The following MYBPC3 variants were observed in gnomAD, a reference collection of about 807,000 sequenced individuals.
The protein encoded by MYBPC3 is myosin-binding protein C, cardiac-type.
In MYBPC3, 108 loss-of-function variants were observed where a neutral mutation model predicts 159.3. The ratio of observed to expected loss-of-function variants is 0.68; its 90% CI spans 0.58 to 0.80. MYBPC3 has a LOEUF of 0.80. Among genes scored for constraint, MYBPC3 ranks in the 30% least tolerant of loss-of-function variants. MYBPC3 has a pLI of 0.00. For synonymous variants in MYBPC3, 730 were observed against 702.0 expected, an observed-to-expected ratio of 1.04 and a Z score of -0.63; for missense variants, 1,631 against 1,762.1, an observed-to-expected ratio of 0.93 and a Z score of 1.33.
intron 4 of MYBPC3, 40 bp downstream of exon 4, chr11:47,349,974 C>T (rs777895104): frequency 1.9e-6 from 3 of 1,562,676 alleles, no homozygotes; most frequent in Admixed American, 3.8e-5. Flanking sequence ...TGCTGCCCCC[C>T]CTTCCCACCC....
intron 13 of MYBPC3, 36 bp downstream of exon 13, chr11:47,343,456 C>A: frequency 6.4e-7 from 1 of 1,551,242 alleles, no homozygotes; most frequent in Non-Finnish European, 8.7e-7. Flanking sequence ...GGGTCCCCAC[C>A]TCCACCCGAG....
chr11:47,346,730 T>G lies in MYBPC3; in HGVS notation c.909-86A>C. On this transcript the variant is annotated intron_variant, in intron 10 of 34. Coordinates refer to ENST00000545968, the MANE Select transcript of MYBPC3 (RefSeq NM_000256.3). The surrounding 1 kb of genome is among the most constrained non-coding windows in gnomAD (Gnocchi z 5.3). ...CCCTCAAAGACCTGGACCCCACCCATGGGCCTTTACTTCCTCCCTATTTTC... is the reference window on the plus strand; with the variant it reads ...CCCTCAAAGACCTGGACCCCACCCAGGGGCCTTTACTTCCTCCCTATTTTC... 1.4e-6 allele frequency: 2 copies of G among 1,391,068 alleles called. No individual in the cohort carries two copies. Among genetic ancestry groups the G allele is most frequent in the Non-Finnish European group, 1.9e-6 (2 of 1,029,052 alleles). 86.2% of individuals were successfully genotyped at this position (1,391,068 alleles called of 1,614,324 possible). A position where few individuals can be genotyped will look rare whatever the true frequency, so the allele number is the denominator to read the frequency against.
chr11:47,337,305 C>A, intron 25 of MYBPC3, 86 bp downstream of exon 25: 1 of 1,402,482 alleles, frequency 7.1e-7, no homozygotes, highest in Non-Finnish European at 9.6e-7. Context: ...GAGTGTCTAG[C>A]ATGGCTGCCT....
chr11:47,334,348 C>G (rs2095880262), intron 27 of MYBPC3, among the ~76,000 whole-genome samples: 1 of 152,244 alleles, frequency 6.6e-6, no homozygotes, highest in African/African-American at 2.4e-5. Context: ...TGCCTCGTTC[C>G]AGCTTTGAGA....
chr11:47,348,344 C>T (rs1349005516), intron 6 of MYBPC3, 80 bp downstream of exon 6: 6 of 1,067,996 alleles, frequency 5.6e-6, no homozygotes, highest in Non-Finnish European at 8.4e-6. Context: ...GAGGCATCCT[C>T]CTTAGTGTTG....
Position 47,333,103 on chromosome 11 carries a change from G to A in MYBPC3, c.3330+91C>T. 4 of 1,522,730 alleles carry A rather than the reference G, an allele frequency of 2.6e-6. No homozygotes were observed. The South Asian group carries it at 5.0e-5, about 19-fold the overall frequency. 94.3% of individuals were successfully genotyped at this position (1,522,730 alleles called of 1,614,324 possible). ...TCAGATCAGCAGAGGGAGGGTGAGGGGTCCACGGTGAGGACAGTGAAGGGT... is the reference window on the plus strand; with the variant it reads ...TCAGATCAGCAGAGGGAGGGTGAGGAGTCCACGGTGAGGACAGTGAAGGGT... On this transcript the variant is annotated intron_variant, in intron 30 of 34. Coordinates refer to ENST00000545968, the MANE Select transcript of MYBPC3 (RefSeq NM_000256.3).
chr11:47,342,803 C>G, intron 16 of MYBPC3, 27 bp downstream of exon 16: 1 of 1,612,296 alleles, frequency 6.2e-7, no homozygotes, highest in Non-Finnish European at 8.5e-7. Context: ...GCCCCCAACA[C>G]CCATGCCCCG....
At position 47,349,901 on chromosome 11, in the gene MYBPC3, G is replaced by C. The variant is rs753683535; in HGVS notation, c.527C>G (p.Ala176Gly). ...CAGGAGGCTGGCGCCGGCCACGCGG[G>C]CTGAGAAGGTGATGCTGCCACCTGC... ...VTVGGSITFS[A>G]RVAGASLLKP... Residue 176 changes from alanine to glycine, a missense_variant, in exon 5 of 35, where the codon GCC becomes GGC. Transcript: ENST00000545968. 1 of 1,607,400 alleles carries C rather than the reference G, an allele frequency of 6.2e-7. No individual in the cohort carries two copies. Among genetic ancestry groups the C allele is most frequent in the Admixed American group, 1.7e-5 (1 of 59,096 alleles).
Position 47,351,252 on chromosome 11 carries a change from C to T in MYBPC3, c.279G>A (p.Lys93=), listed in dbSNP as rs1353142543. 6.5e-7 allele frequency: 1 copy of T among 1,544,620 alleles called. No individual in the cohort carries two copies. Among genetic ancestry groups the T allele is most frequent in the Non-Finnish European group, 8.8e-7 (1 of 1,138,674 alleles). Residue 93 remains lysine (K), a synonymous_variant, in exon 2 of 35, where the codon AAG becomes AAA. Transcript: ENST00000545968. The surrounding 1 kb of genome is among the most constrained non-coding windows in gnomAD (Gnocchi z 4.2). The stretch of plus-strand genomic sequence containing the variant: ...TCAGGATCTTACCTGCCTCTATGAC[C>T]TTGAGGTCGAACTTGACCTTGGAGG... ...AGSSKVKFDL[K]VIEAEKAEPM... is the part of the protein sequence containing the mutation.
chr11:47,340,946 C>T (rs995119839), intron 20 of MYBPC3, 57 bp downstream of exon 20: 24 of 1,476,216 alleles, frequency 1.6e-5, no homozygotes, highest in African/African-American at 9.9e-5. Context: ...GGGAGGCCTG[C>T]GTGGGTGGGT....
intron 27 of MYBPC3, 127 bp downstream of exon 27, chr11:47,334,915 C>T: frequency 1.7e-6 from 2 of 1,157,116 alleles, no homozygotes; most frequent in Non-Finnish European, 1.1e-6. Context: ...GGCTCCAACC[C>T]CTCCTGTCTC....
chr11:47,350,171 T>C (rs2095899152), intron 3 of MYBPC3, 59 bp from the exon 4 acceptor site: 1 of 1,508,804 alleles, frequency 6.6e-7, no homozygotes. Context: ...TCACCCAGGC[T>C]GGAGTGCAGA....
Position 47,351,100 on chromosome 11 carries a change from G to A in MYBPC3, c.292+139C>T. 1 of 1,130,388 alleles carries A rather than the reference G, an allele frequency of 8.8e-7. No individual in the cohort carries two copies. The highest frequency in any genetic ancestry group is 1.8e-5 in the South Asian group (1 of 56,332). 70.0% of individuals were successfully genotyped at this position (1,130,388 alleles called of 1,614,324 possible). A position where few individuals can be genotyped will look rare whatever the true frequency, so the allele number is the denominator to read the frequency against. ...GTCATGTGCAGAAAAGGGGGAAAGG[G>A]CGTTCCTGGCGGGGGGCACAGCCAC... On this transcript the variant is annotated intron_variant, in intron 2 of 34. Coordinates refer to ENST00000545968, the MANE Select transcript of MYBPC3 (RefSeq NM_000256.3). This position sits in a 1 kb window ranked among gnomAD's most constrained non-coding sequence, Gnocchi z 4.2.
chr11:47,347,143 C>T, intron 9 of MYBPC3, 114 bp from the exon 10 acceptor site: 2 of 1,404,910 alleles, frequency 1.4e-6, no homozygotes. Flanking sequence ...TCTGGGGACC[C>T]TCTCTCTGTT....
chr11:47,336,690 T>C (rs2095882659), intron 25 of MYBPC3, among the ~76,000 whole-genome samples: 1 of 151,686 alleles, frequency 6.6e-6, no homozygotes, highest in Non-Finnish European at 1.5e-5. Flanking sequence ...GGCCCAGGGG[T>C]CCTTGGCCTG....
Position 47,335,056 on chromosome 11 carries a change from A to G in MYBPC3, c.2891T>C (p.Val964Ala), listed in dbSNP as rs773053868. Residue 964 changes from valine to alanine, a missense_variant, in exon 27 of 35, where the codon GTG becomes GCG. Transcript: ENST00000545968. ...GGGGCACTCACGCAGGATCTCCTGC[A>G]CTGTCACCGGCTCCGTGGTGGTAAC... ...APVTTTEPVT[V>A]QEILQRPRLQ... 1 of 1,567,908 alleles carries G rather than the reference A, an allele frequency of 6.4e-7. No homozygotes were observed. Among genetic ancestry groups the G allele is most frequent in the Non-Finnish European group, 8.7e-7 (1 of 1,152,668 alleles).
chr11:47,337,167 G>A (rs2095883095), intron 25 of MYBPC3, among the ~76,000 whole-genome samples: 1 of 152,208 alleles, frequency 6.6e-6, no homozygotes, highest in African/African-American at 2.4e-5. Context: ...GGCGTAGTGT[G>A]AGAGTCAGCT....
rs530180235 is a variant in MYBPC3 at position 47,346,892 on chromosome 11, G to A, written c.908+135C>T. The A allele has an allele frequency of 2.8e-6, 2 of 721,952 alleles. No homozygotes were observed. The highest frequency in any genetic ancestry group is 1.7e-5 in the African/African-American group (1 of 57,766). 44.7% of individuals were successfully genotyped at this position (721,952 alleles called of 1,614,324 possible). On this transcript the variant is annotated intron_variant, in intron 10 of 34. Transcript: ENST00000545968. This position sits in a 1 kb window ranked among gnomAD's most constrained non-coding sequence, Gnocchi z 5.3. ...GGTGGCAGGAGAAGCCCAAGGCACA[G>A]AGACTCACCCCTGTCCGTGGGGAGC...
rs1011657205 is a variant in MYBPC3 at position 47,338,955 on chromosome 11, C to G, written c.2149-276G>C. Among the ~76,000 whole-genome samples the G allele has an allele frequency of 6.6e-6, 1 of 152,220 alleles. No homozygotes were observed. The highest frequency in any genetic ancestry group is 2.4e-5 in the African/African-American group (1 of 41,466). On this transcript the variant is annotated intron_variant, in intron 22 of 34. Coordinates refer to ENST00000545968, the MANE Select transcript of MYBPC3 (RefSeq NM_000256.3). This position sits in a 1 kb window ranked among gnomAD's most constrained non-coding sequence, Gnocchi z 4.7. ...AGACCCCAGCCTTCAGAAGAACCAACAGTGCCAGGCAGGAGCAAGACCCCG... is the reference window on the plus strand; with the variant it reads ...AGACCCCAGCCTTCAGAAGAACCAAGAGTGCCAGGCAGGAGCAAGACCCCG...
Sources: allele counts gnomAD v4.1 joint callset (sites outside exome capture counted in the v4.1 genomes callset), GRCh38; gene constraint gnomAD v4.1.1; non-coding constraint Gnocchi (gnomAD v3.1); transcripts MANE v1.5; gene names NCBI Gene and HGNC (gene_info 2026-07-23, HGNC 2026-07-21).